Variants in PTPRM observed in about 807,000 individuals in gnomAD.
PTPRM encodes the protein protein tyrosine phosphatase receptor type M.
Under a neutral mutation model 186.7 loss-of-function variants are expected in PTPRM, and 47 were observed. That is an observed-to-expected ratio of 0.25 (90% CI 0.20 to 0.32). The LOEUF (loss-of-function observed/expected upper bound fraction) is 0.32. Among genes scored for constraint, PTPRM ranks in the 10% least tolerant of loss-of-function variants. PTPRM has a pLI of 1.00. For missense variants in PTPRM, 1,494 were observed against 1,865.0 expected (o/e 0.80, Z 3.66); for synonymous variants, 668 against 674.9 (o/e 0.99, Z 0.16).
At chr18:7,923,355 T>C (rs1271342128) in intron 4 of PTPRM, among the ~76,000 whole-genome samples, 1 of 152,128 alleles carries the variant, frequency 6.6e-6, no homozygotes, top group Non-Finnish European at 1.5e-5. Context: ...AACTTCAGCC[T>C]TTAACACTCC....
At chr18:8,299,856 C>T (rs2095137296) in intron 20 of PTPRM, among the ~76,000 whole-genome samples, 1 of 152,064 alleles carries the variant, frequency 6.6e-6, no homozygotes, top group Non-Finnish European at 1.5e-5. Flanking sequence ...TACTTTTGGC[C>T]CACAAACAGT....
chr18:8,344,330 A>G (rs938507798), intron 23 of PTPRM, among the ~76,000 whole-genome samples: 16 of 151,886 alleles, frequency 1.1e-4, no homozygotes, highest in African/African-American at 3.6e-4. Flanking sequence ...GGCACAAACC[A>G]GGAAGAAGAA....
At chr18:8,078,133 C>G (rs2089929969) in intron 9 of PTPRM, among the ~76,000 whole-genome samples, 1 of 152,210 alleles carries the variant, frequency 6.6e-6, no homozygotes, top group African/African-American at 2.4e-5. Flanking sequence ...TACAAGCTTT[C>G]TGGCCAACAA....
chr18:7,897,102 A>C (rs2049401308), intron 3 of PTPRM, among the ~76,000 whole-genome samples: 1 of 152,180 alleles, frequency 6.6e-6, no homozygotes, highest in Admixed American at 6.5e-5. Context: ...GGAGGCATTA[A>C]TTGACCAAAT....
At chr18:8,369,053 C>G (rs757291767) in intron 23 of PTPRM, among the ~76,000 whole-genome samples, 6 of 152,090 alleles carry the variant, frequency 3.9e-5, no homozygotes, top group Non-Finnish European at 5.9e-5. Flanking sequence ...TGCAAAAAAT[C>G]TTCAACTGGG....
chr18:7,797,561 G>T (rs2043727628), intron 2 of PTPRM, among the ~76,000 whole-genome samples: 1 of 152,226 alleles, frequency 6.6e-6, no homozygotes, highest in Non-Finnish European at 1.5e-5. Context: ...AGATCATCTA[G>T]ATGGCTTACC....
intron 23 of PTPRM, among the ~76,000 whole-genome samples, chr18:8,356,265 G>A (rs1016869184): frequency 9.9e-5 from 15 of 152,156 alleles, no homozygotes; most frequent in African/African-American, 3.6e-4. Flanking sequence ...GAGCATTTCT[G>A]ATCAAAGGAT....
intron 2 of PTPRM, among the ~76,000 whole-genome samples, chr18:7,871,095 A>G (rs1200613745): frequency 2.0e-5 from 3 of 152,238 alleles, no homozygotes; most frequent in Non-Finnish European, 4.4e-5. Context: ...GCAAGAGCCC[A>G]GTTGCTTTCC....
At chr18:8,039,490 A>G (rs1215720112) in intron 7 of PTPRM, among the ~76,000 whole-genome samples, 2 of 152,192 alleles carry the variant, frequency 1.3e-5, no homozygotes, top group Non-Finnish European at 2.9e-5. Context: ...TTTATTATTT[A>G]AAATGTGGTA....
chr18:7,713,307 A>G (rs1452300605), intron 1 of PTPRM, among the ~76,000 whole-genome samples: 6 of 152,182 alleles, frequency 3.9e-5, no homozygotes, highest in East Asian at 3.9e-4. Context: ...TCCTTTACAG[A>G]CAAGCAAATG....
At chr18:7,734,173 A>C (rs1467959363) in intron 1 of PTPRM, among the ~76,000 whole-genome samples, 1 of 150,848 alleles carries the variant, frequency 6.6e-6, no homozygotes. Context: ...CCAGAGGACA[A>C]ATGAGTAATC....
At chr18:7,767,837 T>A (rs565138556) in intron 1 of PTPRM, among the ~76,000 whole-genome samples, 25 of 152,342 alleles carry the variant, frequency 1.6e-4, no homozygotes, top group Admixed American at 2.0e-4. Flanking sequence ...TCGTTGATTT[T>A]GTCACATTTT....
intron 1 of PTPRM, among the ~76,000 whole-genome samples, chr18:7,577,745 T>C (rs1488771539): frequency 6.6e-6 from 1 of 152,212 alleles, no homozygotes; most frequent in African/African-American, 2.4e-5. Flanking sequence ...GTTCAGGTCA[T>C]TGGCTCTCAT....
chr18:8,067,862 T>G (rs2089202331), intron 7 of PTPRM, among the ~76,000 whole-genome samples: 1 of 152,218 alleles, frequency 6.6e-6, no homozygotes, highest in African/African-American at 2.4e-5. Flanking sequence ...GGGGGAAGAA[T>G]TCCTCTCAGC....
intron 20 of PTPRM, among the ~76,000 whole-genome samples, chr18:8,301,163 C>T (rs555941975): frequency 2.6e-5 from 4 of 152,334 alleles, no homozygotes; most frequent in African/African-American, 9.6e-5. Flanking sequence ...TTTCAAAGAA[C>T]ACAGAAGTGG....
chr18:7,861,683 T>C (rs1044643077), intron 2 of PTPRM, among the ~76,000 whole-genome samples: 2 of 152,148 alleles, frequency 1.3e-5, no homozygotes, highest in African/African-American at 4.8e-5. Context: ...CACACAGGTC[T>C]TCCACCTTTT....
intron 13 of PTPRM, among the ~76,000 whole-genome samples, chr18:8,123,359 A>G (rs972061985): frequency 6.6e-6 from 1 of 152,250 alleles, no homozygotes; most frequent in Non-Finnish European, 1.5e-5. Flanking sequence ...AGAAAATGGT[A>G]AAGCTTAACT....
intron 13 of PTPRM, among the ~76,000 whole-genome samples, chr18:8,121,111 T>A (rs892069135): frequency 1.3e-5 from 2 of 152,196 alleles, no homozygotes; most frequent in Admixed American, 1.3e-4. Flanking sequence ...TTTGTTAATC[T>A]CACTTAACAA....
rs1224065464 is a variant in PTPRM at position 7,966,821 on chromosome 18, G to A, written c.1132+11407G>A. On this transcript the variant is annotated intron_variant, in intron 7 of 32. Transcript: ENST00000580170. ...GAGGGTCCTACGCCCACGGAGTCTC[G>A]CTGATTGCCAGCACAGCAGTCTGAG... is the stretch of plus-strand genomic sequence containing the variant. 6.7e-4 allele frequency among the ~76,000 whole-genome samples: 87 copies of A among 130,744 alleles called. 2 individuals carry two copies. The highest frequency in any genetic ancestry group is 7.0e-4 in the Admixed American group (9 of 12,830). 85.8% of individuals were successfully genotyped at this position (130,744 alleles called of 152,430 possible).
Sources: gnomAD v4.1 joint callset for allele counts (sites outside exome capture counted in the v4.1 genomes callset) on GRCh38, gnomAD v4.1.1 for gene constraint, MANE v1.5 for transcripts, NCBI Gene and HGNC (gene_info 2026-07-23, HGNC 2026-07-21) for gene names.